Variants in AFF3 observed in about 807,000 individuals in gnomAD.
AFF3 encodes the protein ALF transcription elongation factor 3, also known as AF4/FMR2 family member 3.
AFF3 carries 32 observed loss-of-function variants against 129.7 expected under a neutral mutation model. The observed-to-expected ratio is 0.25, with a 90% CI of 0.19 to 0.33. The LOEUF is 0.33. Among genes scored for constraint, AFF3 ranks in the 10% least tolerant of loss-of-function variants. AFF3 has a pLI of 1.00. For synonymous variants in AFF3, 644 were observed against 635.4 expected, an observed-to-expected ratio of 1.01 and a Z score of -0.20; for missense variants, 1,373 against 1,592.0, an observed-to-expected ratio of 0.86 and a Z score of 2.34.
chr2:99,754,043 T>C (rs1681889335), intron 8 of AFF3, among the ~76,000 whole-genome samples: 1 of 152,180 alleles, frequency 6.6e-6, no homozygotes, highest in East Asian at 1.9e-4. Flanking sequence ...GGTCAGCTCT[T>C]ACCCAGAGTG....
intron 13 of AFF3, among the ~76,000 whole-genome samples, chr2:99,644,378 T>C (rs1442326923): frequency 6.6e-6 from 1 of 152,216 alleles, no homozygotes; most frequent in East Asian, 1.9e-4. Context: ...TCAAGCATAA[T>C]TTTTTGCAGC....
At chr2:99,810,257 A>G (rs1474002697) in intron 8 of AFF3, among the ~76,000 whole-genome samples, 1 of 152,226 alleles carries the variant, frequency 6.6e-6, no homozygotes, top group East Asian at 1.9e-4. Flanking sequence ...TTATAGGCAA[A>G]GACAACTTGA....
intron 2 of AFF3, among the ~76,000 whole-genome samples, chr2:100,110,493 C>G (rs1691476417): frequency 6.6e-6 from 1 of 152,242 alleles, no homozygotes; most frequent in Non-Finnish European, 1.5e-5. Flanking sequence ...TGGTAGTCCC[C>G]ATGCAGCCCT....
chr2:99,674,119 G>T (rs776949500), intron 11 of AFF3, among the ~76,000 whole-genome samples: 4 of 152,122 alleles, frequency 2.6e-5, no homozygotes, highest in Non-Finnish European at 5.9e-5. Flanking sequence ...TTCCTCACAG[G>T]CTCCTGCTCA....
chr2:100,082,124 TC>T (rs1689086786), intron 4 of AFF3, among the ~76,000 whole-genome samples: 1 of 152,256 alleles, frequency 6.6e-6, no homozygotes. Context: ...TTCTAGTTTT[TC>T]TTAATTTTAA....
At position 100,085,360 on chromosome 2, in the gene AFF3, C is replaced by T. The variant is rs557229597; in HGVS notation, c.53+19042G>A. Reference sequence around the variant, plus strand: ...CCACACCAGTTCCCAATTCCATATGCTCACCTAACTGCACCCCTGTCCCCA... The same window carrying T: ...CCACACCAGTTCCCAATTCCATATGTTCACCTAACTGCACCCCTGTCCCCA... On this transcript the variant is annotated intron_variant, in intron 4 of 24. Transcript: ENST00000672756. 1.9e-3 allele frequency among the ~76,000 whole-genome samples: 281 copies of T among 151,224 alleles called. 1 individual carries two copies. Among genetic ancestry groups the T allele is most frequent in the South Asian group, 4.0e-3 (19 of 4,736 alleles).
At chr2:99,697,078 G>A (rs943886859) in intron 11 of AFF3, among the ~76,000 whole-genome samples, 23 of 152,298 alleles carry the variant, frequency 1.5e-4, no homozygotes, top group African/African-American at 5.3e-4. Flanking sequence ...AAGGCATCAA[G>A]TCTCTTAATC....
Position 99,593,826 on chromosome 2 carries a change from T to TCCGCGG in AFF3, c.1829_1834dup (p.Ala610_Ala611dup). On this transcript the variant is annotated inframe_insertion, in exon 15 of 25. Transcript: ENST00000672756. ...GACCACCACGCTCGTCCCCAGCGCG[T>TCCGCGG]CCGCGGCCGCGGGCTCCTCGGGCCG... 6.2e-7 allele frequency: 1 copy of TCCGCGG among 1,606,300 alleles called. No homozygotes were observed. The highest frequency in any genetic ancestry group is 8.5e-7 in the Non-Finnish European group (1 of 1,177,274).
At chr2:100,087,607 A>G (rs1399357202) in intron 4 of AFF3, among the ~76,000 whole-genome samples, 1 of 151,798 alleles carries the variant, frequency 6.6e-6, no homozygotes, top group East Asian at 1.9e-4. Context: ...ATGCAGAAAC[A>G]ATGCTTTCGT....
intron 8 of AFF3, among the ~76,000 whole-genome samples, chr2:99,811,420 GT>G (rs963886628): frequency 2.0e-5 from 3 of 151,036 alleles, no homozygotes; most frequent in Non-Finnish European, 4.4e-5. Context: ...AGGTTTTTTG[GT>G]TTTTTTTTCC....
chr2:99,673,617 C>T (rs2104472897), intron 11 of AFF3, among the ~76,000 whole-genome samples: 1 of 152,300 alleles, frequency 6.6e-6, no homozygotes, highest in Non-Finnish European at 1.5e-5. Flanking sequence ...TTCTGAGGGA[C>T]CCTGGGGCTC....
intron 7 of AFF3, among the ~76,000 whole-genome samples, chr2:99,955,907 A>T (rs1355599590): frequency 6.6e-6 from 1 of 152,092 alleles, no homozygotes; most frequent in African/African-American, 2.4e-5. Context: ...GTAAACATAA[A>T]CTTCTTTACA....
intron 11 of AFF3, among the ~76,000 whole-genome samples, chr2:99,699,222 G>A (rs773701599): frequency 6.6e-6 from 1 of 152,188 alleles, no homozygotes; most frequent in Non-Finnish European, 1.5e-5. Flanking sequence ...CTGCTCAGGT[G>A]TTGGAAGCTG....
At chr2:99,723,425 C>T (rs1406777987) in intron 11 of AFF3, among the ~76,000 whole-genome samples, 1 of 152,152 alleles carries the variant, frequency 6.6e-6, no homozygotes, top group Non-Finnish European at 1.5e-5. Flanking sequence ...TTTAATGACT[C>T]AGGGTCATAG....
At chr2:99,922,250 T>C (rs1362359275) in intron 7 of AFF3, among the ~76,000 whole-genome samples, 1 of 152,248 alleles carries the variant, frequency 6.6e-6, no homozygotes, top group Non-Finnish European at 1.5e-5. Flanking sequence ...TCAAACCATG[T>C]ATCTACAGAA....
intron 7 of AFF3, among the ~76,000 whole-genome samples, chr2:99,908,744 T>TCA (rs978390530): frequency 4.6e-5 from 7 of 152,180 alleles, no homozygotes; most frequent in African/African-American, 1.4e-4. Context: ...TCACTGGCCA[T>TCA]CAGAGAAATG....
At position 99,639,809 on chromosome 2, in the gene AFF3, T is replaced by C. The variant is rs545145720; in HGVS notation, c.1184+9817A>G. On this transcript the variant is annotated intron_variant, in intron 13 of 24. Coordinates refer to ENST00000672756, the MANE Select transcript of AFF3 (RefSeq NM_001386135.1). The stretch of plus-strand genomic sequence containing the variant: ...TTCAAGTGATTCTCCTGCCTCAGCC[T>C]CTCGAGTAGCTGTGATTACAAGGGT... 2.0e-5 allele frequency among the ~76,000 whole-genome samples: 3 copies of C among 151,896 alleles called. No homozygotes were observed. In the East Asian group the frequency reaches 5.8e-4, roughly 29 times the overall value.
chr2:99,647,449 C>T (rs1311773125), intron 13 of AFF3, among the ~76,000 whole-genome samples: 1 of 152,084 alleles, frequency 6.6e-6, no homozygotes, highest in Non-Finnish European at 1.5e-5. Flanking sequence ...AATGATGAGA[C>T]CCATGACGGG....
intron 11 of AFF3, among the ~76,000 whole-genome samples, chr2:99,712,414 T>G (rs1677974904): frequency 6.6e-6 from 1 of 152,170 alleles, no homozygotes. Flanking sequence ...ACTGAAGAGA[T>G]CATTTACACA....
Sources: gnomAD v4.1 joint callset for allele counts (sites outside exome capture counted in the v4.1 genomes callset) on GRCh38, gnomAD v4.1.1 for gene constraint, MANE v1.5 for transcripts, NCBI Gene and HGNC (gene_info 2026-07-23, HGNC 2026-07-21) for gene names.